The following WWOX variants were observed in gnomAD, a reference collection of about 807,000 sequenced individuals.
The protein encoded by WWOX is WW domain-containing oxidoreductase.
Under a neutral mutation model 46.2 loss-of-function variants are expected in WWOX, and 69 were observed. That is an observed-to-expected ratio of 1.49 (90% CI 1.23 to 1.82). The LOEUF is 1.82. Among genes scored for constraint, WWOX ranks in the 40% most tolerant of loss-of-function variants. The pLI, the probability that WWOX is intolerant of heterozygous loss-of-function variation, is 0.00. For missense variants in WWOX, 919 were observed against 542.6 expected (o/e 1.69, Z -6.89); for synonymous variants, 359 against 202.6 (o/e 1.77, Z -6.56).
At chr16:78,925,078 C>T (rs1315274796) in intron 8 of WWOX, among the ~76,000 whole-genome samples, 1 of 152,054 alleles carries the variant, frequency 6.6e-6, no homozygotes, top group South Asian at 2.1e-4. Flanking sequence ...GCCTGTAGTC[C>T]CAGTTACTGG....
intron 8 of WWOX, chr16:78,895,680 A>C (rs564836032): frequency 6.6e-6 from 1 of 152,300 alleles, no homozygotes; most frequent in East Asian, 1.9e-4. Flanking sequence ...TTCTACTACT[A>C]TTATCTTGCC....
At chr16:78,297,877 TCTGA>T (rs1256764192) in intron 5 of WWOX, among the ~76,000 whole-genome samples, 1 of 152,120 alleles carries the variant, frequency 6.6e-6, no homozygotes, top group African/African-American at 2.4e-5. Context: ...GTTGATATGG[TCTGA>T]CTGTGTGTCC....
At chr16:79,184,716 G>T (rs1031960892) in intron 8 of WWOX, among the ~76,000 whole-genome samples, 2 of 152,202 alleles carry the variant, frequency 1.3e-5, no homozygotes, top group South Asian at 2.1e-4. Flanking sequence ...TCCCAGAAGA[G>T]TGGGAGTCTA....
intron 8 of WWOX, among the ~76,000 whole-genome samples, chr16:79,100,811 A>C (rs967246286): frequency 1.3e-5 from 2 of 152,000 alleles, no homozygotes; most frequent in Non-Finnish European, 2.9e-5. Flanking sequence ...TGCATTTTCC[A>C]GTCTCCCCGT....
In WWOX at chr16:78,113,038, A is replaced by G. The variant is rs144548508; in HGVS notation, c.231-1938A>G. Among the ~76,000 whole-genome samples, 106 of 152,120 alleles carry G rather than the reference A, an allele frequency of 7.0e-4. 1 individual carries two copies. The highest frequency in any genetic ancestry group is 2.4e-3 in the African/African-American group (99 of 41,504). Reference sequence around the variant, plus strand: ...TTAAATTTTTTATGTAGTCAAATCAATTTTCTCCTGTGCAGTCTTTGCCTT... The same window carrying G: ...TTAAATTTTTTATGTAGTCAAATCAGTTTTCTCCTGTGCAGTCTTTGCCTT... On this transcript the variant is annotated intron_variant, in intron 3 of 8. Coordinates refer to ENST00000566780, the MANE Select transcript of WWOX (RefSeq NM_016373.4).
intron 8 of WWOX, among the ~76,000 whole-genome samples, chr16:78,831,117 G>A (rs1234806879): frequency 6.6e-6 from 1 of 152,206 alleles, no homozygotes; most frequent in African/African-American, 2.4e-5. Flanking sequence ...AGCTATCACA[G>A]CCTGGCTGGT....
intron 8 of WWOX, among the ~76,000 whole-genome samples, chr16:79,142,116 T>G (rs1412101902): frequency 6.6e-6 from 1 of 152,220 alleles, no homozygotes; most frequent in Non-Finnish European, 1.5e-5. Flanking sequence ...TGTCATTTAT[T>G]TATTCTTTTC....
intron 8 of WWOX, among the ~76,000 whole-genome samples, chr16:78,961,414 G>A (rs1367061257): frequency 6.6e-6 from 1 of 152,084 alleles, no homozygotes; most frequent in East Asian, 1.9e-4. Context: ...ATAACACTCA[G>A]CAGATATATA....
At chr16:79,159,688 C>G (rs117473650) in intron 8 of WWOX, among the ~76,000 whole-genome samples, 1 of 152,158 alleles carries the variant, frequency 6.6e-6, no homozygotes, top group African/African-American at 2.4e-5. Flanking sequence ...CTGAGCAGAA[C>G]AGGGGGAAAG....
chr16:78,405,426 G>A (rs1282563229), intron 6 of WWOX, among the ~76,000 whole-genome samples: 1 of 152,158 alleles, frequency 6.6e-6, no homozygotes, highest in Non-Finnish European at 1.5e-5. Context: ...GTCGACATGT[G>A]ACGGTCCTTT....
chr16:79,064,927 A>T (rs913479800), intron 8 of WWOX, among the ~76,000 whole-genome samples: 1 of 152,176 alleles, frequency 6.6e-6, no homozygotes, highest in African/African-American at 2.4e-5. Flanking sequence ...GGCCAGTGCA[A>T]ATGGCGCCAG....
At chr16:78,276,544 A>AT (rs2079582581) in intron 5 of WWOX, among the ~76,000 whole-genome samples, 1 of 152,226 alleles carries the variant, frequency 6.6e-6, no homozygotes, top group Non-Finnish European at 1.5e-5. Context: ...GCTGTGAGCA[A>AT]CCTCAAATCC....
intron 8 of WWOX, among the ~76,000 whole-genome samples, chr16:78,548,353 T>A (rs2044095536): frequency 6.8e-6 from 1 of 146,120 alleles, no homozygotes; most frequent in South Asian, 2.2e-4. Flanking sequence ...AAAAAAAAAA[T>A]CCAGATTGCT....
chr16:79,040,856 A>G (rs993012557), intron 8 of WWOX, among the ~76,000 whole-genome samples: 3 of 152,020 alleles, frequency 2.0e-5, no homozygotes, highest in Non-Finnish European at 2.9e-5. Context: ...CGATCACAGA[A>G]AGTAACTTAG....
chr16:78,122,827 A>AC (rs1409062923), intron 4 of WWOX, among the ~76,000 whole-genome samples: 11 of 151,756 alleles, frequency 7.2e-5, no homozygotes, highest in African/African-American at 2.7e-4. Context: ...CTGGTCTTGA[A>AC]CTCCTGAACT....
At chr16:78,613,432 T>C (rs976047854) in intron 8 of WWOX, among the ~76,000 whole-genome samples, 13 of 152,154 alleles carry the variant, frequency 8.5e-5, no homozygotes, top group African/African-American at 2.9e-4. Context: ...GATTGGTGTC[T>C]ATGAGGGTCA....
chr16:78,117,479 C>T (rs905675696), intron 4 of WWOX, among the ~76,000 whole-genome samples: 3 of 151,754 alleles, frequency 2.0e-5, no homozygotes, highest in African/African-American at 7.3e-5. Flanking sequence ...TCCAGGCAAT[C>T]AAAAACTCAC....
chr16:78,305,388 C>G (rs151207764), intron 5 of WWOX, among the ~76,000 whole-genome samples: 2 of 152,214 alleles, frequency 1.3e-5, no homozygotes, highest in East Asian at 3.9e-4. Flanking sequence ...AGCCATGTAA[C>G]CTCTGGATGA....
chr16:78,885,040 C>T (rs57289496), intron 8 of WWOX, among the ~76,000 whole-genome samples: 5,570 of 152,206 alleles, frequency 0.037, 222 homozygotes, highest in African/African-American at 0.088. Flanking sequence ...TGCAGTGTTT[C>T]GTTCTTAACC....
Sources: gnomAD v4.1 joint callset for allele counts (sites outside exome capture counted in the v4.1 genomes callset) on GRCh38, gnomAD v4.1.1 for gene constraint, MANE v1.5 for transcripts, NCBI Gene and HGNC (gene_info 2026-07-23, HGNC 2026-07-21) for gene names.